Variants in SERPINA1 observed in about 807,000 individuals in gnomAD.
SERPINA1 encodes the protein serpin family A member 1.
A neutral mutation model predicts 25.4 loss-of-function variants in SERPINA1; 21 were observed. That is an observed-to-expected ratio of 0.83 (90% CI 0.59 to 1.19). The LOEUF is 1.19. SERPINA1 is among the 50% of genes most tolerant of loss of function. The pLI, the probability that SERPINA1 is intolerant of heterozygous loss-of-function variation, is 0.00. For missense variants in SERPINA1, 546 were observed against 509.0 expected (o/e 1.07, Z -0.70); for synonymous variants, 218 against 211.1 (o/e 1.03, Z -0.29).
chr14:94,379,647 G>A (rs1896716694), intron 3 of SERPINA1, 36 bp from the exon 4 acceptor site: 3 of 1,613,726 alleles, frequency 1.9e-6, no homozygotes, highest in African/African-American at 1.3e-5. Flanking sequence ...GCATGGCACA[G>A]CATTCCTCTT....
At position 94,383,192 on chromosome 14, in the gene SERPINA1, A is replaced by G. The variant is rs1473667365; in HGVS notation, c.46T>C (p.Cys16Arg). 3 of 1,614,154 alleles carry G rather than the reference A, an allele frequency of 1.9e-6. No individual in the cohort carries two copies. The South Asian group carries it at 3.3e-5, about 18-fold the overall frequency. The change falls in exon 2 of 5, where the codon TGC becomes CGC. Residue 16 changes from cysteine to arginine, a missense_variant. Cys to Arg is a radical substitution (Grantham distance 180). Transcript: ENST00000393087. ...GCCAGGGAGACAGGGACCAGGCAGC[A>G]CAGGCCTGCCAGCAGGAGGATGCCC... Reference protein sequence around the residue: ...SWGILLLAGLCCLVPVSLAED... With the variant: ...SWGILLLAGLRCLVPVSLAED...
chr14:94,382,347 A>T (rs1896988155), intron 2 of SERPINA1, among the ~76,000 whole-genome samples: 1 of 152,218 alleles, frequency 6.6e-6, no homozygotes, highest in Admixed American at 6.5e-5. Flanking sequence ...ATACACAAGG[A>T]CATTAAAGGC....
chr14:94,381,809 AG>A (rs1198482813), intron 2 of SERPINA1, among the ~76,000 whole-genome samples: 4 of 152,216 alleles, frequency 2.6e-5, no homozygotes, highest in African/African-American at 9.7e-5. Context: ...TGCTGACTGC[AG>A]CCTGGCTGCT....
At chr14:94,379,368 C>T (rs1896666836) in intron 4 of SERPINA1, 96 bp downstream of exon 4, 2 of 1,555,038 alleles carry the variant, frequency 1.3e-6, no homozygotes, top group Non-Finnish European at 1.8e-6. Context: ...ATTTGTTTCC[C>T]TCGGCCCCTT....
rs776994208 is a variant in SERPINA1 at position 94,383,272 on chromosome 14, C to G, written c.-4-31G>C. The G allele has an allele frequency of 1.9e-6, 3 of 1,598,040 alleles. No homozygotes were observed. In the South Asian group the frequency reaches 3.3e-5, roughly 18 times the overall value. On this transcript the variant is annotated intron_variant, in intron 1 of 4. Coordinates refer to ENST00000393087, the MANE Select transcript of SERPINA1 (RefSeq NM_000295.5). ...AGACAGAGATGGGGGGGCCAGGCCC[C>G]GAGTCAAGGCACATGATGACTCCCA...
intron 2 of SERPINA1, among the ~76,000 whole-genome samples, chr14:94,381,872 G>A (rs1162887398): frequency 6.6e-6 from 1 of 152,202 alleles, no homozygotes; most frequent in Non-Finnish European, 1.5e-5. Flanking sequence ...AGTGGAGGAA[G>A]CAGCCCCTGG....
At chr14:94,383,328 C>T in intron 1 of SERPINA1, 87 bp from the exon 2 acceptor site, 5 of 1,436,944 alleles carry the variant, frequency 3.5e-6, no homozygotes, top group South Asian at 1.2e-5. Flanking sequence ...CGTGGAAGTG[C>T]CTAGGGATTA....
In SERPINA1 at chr14:94,377,685, C is replaced by A. The variant is rs558473967; in HGVS notation, c.*764G>T. 2.6e-5 allele frequency: 4 copies of A among 152,458 alleles called. No homozygotes were observed. The highest frequency in any genetic ancestry group is 5.9e-5 in the Non-Finnish European group (4 of 68,294). 9.4% of individuals were successfully genotyped at this position (152,458 alleles called of 1,614,324 possible). A position where few individuals can be genotyped will look rare whatever the true frequency, so the allele number is the denominator to read the frequency against. ...GGAGATAGAGAAAACAAAGCAGAGA[C>A]CCTCCTCTTCATCTGGGGAGAAGGG... On this transcript the variant is annotated 3_prime_UTR_variant, in exon 5 of 5. Transcript: ENST00000393087.
chr14:94,378,418 T>G lies in SERPINA1; in HGVS notation c.*31A>C. On this transcript the variant is annotated 3_prime_UTR_variant, in exon 5 of 5. Coordinates refer to ENST00000393087, the MANE Select transcript of SERPINA1 (RefSeq NM_000295.5). ...TGTCATCCAGGGAGGGGGCCAGGGA[T>G]GGAGGGGAGGGGTTGAGGAGCGAGA... 1 of 1,592,792 alleles carries G rather than the reference T, an allele frequency of 6.3e-7. No homozygotes were observed. The highest frequency in any genetic ancestry group is 8.6e-7 in the Non-Finnish European group (1 of 1,161,114).
intron 3 of SERPINA1, 167 bp downstream of exon 3, chr14:94,380,702 GAA>G (rs999864915): frequency 2.9e-5 from 24 of 817,460 alleles, no homozygotes; most frequent in Middle Eastern, 3.5e-4. Flanking sequence ...GGCGCTGCCT[GAA>G]CTCAGTGGTG....
chr14:94,381,150 AG>A lies in SERPINA1; in HGVS notation c.647-10del. ...GGGTCTCTCCCATTTGCCTGGAGAG[AG>A]GGGAAGGTGGGCATCACCAGGGGTG... On this transcript the variant is annotated splice_polypyrimidine_tract_variant and intron_variant, in intron 2 of 4. Coordinates refer to ENST00000393087, the MANE Select transcript of SERPINA1 (RefSeq NM_000295.5). The A allele has an allele frequency of 6.2e-7, 1 of 1,610,288 alleles. No individual in the cohort carries two copies. Among genetic ancestry groups the A allele is most frequent in the African/African-American group, 1.3e-5 (1 of 74,890 alleles).
At chr14:94,386,384 C>T (rs1382716544) in intron 1 of SERPINA1, among the ~76,000 whole-genome samples, 3 of 152,152 alleles carry the variant, frequency 2.0e-5, no homozygotes, top group Non-Finnish European at 4.4e-5. Context: ...CCAAGAGCAA[C>T]CCGGCAGGGT....
At chr14:94,381,197 T>C in intron 2 of SERPINA1, 56 bp from the exon 3 acceptor site, 1 of 1,570,398 alleles carries the variant, frequency 6.4e-7, no homozygotes, top group Non-Finnish European at 8.7e-7. Context: ...TGGAAGAGTG[T>C]AGCAGAATAA....
upstream of SERPINA1, chr14:94,389,461 T>C (rs938295903): frequency 6.6e-6 from 1 of 152,306 alleles, no homozygotes; most frequent in Non-Finnish European, 1.5e-5. Flanking sequence ...CAGGCCTGTT[T>C]CTGTTTTTGC....
At position 94,378,512 on chromosome 14, in the gene SERPINA1, C is replaced by G. The variant is rs1896532969; in HGVS notation, c.1194G>C (p.Met398Ile). ...VKFNKPFVFL[M>I]IEQNTKSPLF... is the part of the protein sequence containing the mutation. ...GGGGAGACTTGGTATTTTGTTCAAT[C>G]ATTAAGAAGACAAAGGGTTTGTTGA... Residue 398 changes from methionine (M) to isoleucine (I), a missense_variant, in exon 5 of 5, where the codon ATG becomes ATC. Coordinates refer to ENST00000393087, the MANE Select transcript of SERPINA1 (RefSeq NM_000295.5). The G allele has an allele frequency of 1.9e-6, 3 of 1,613,912 alleles. No individual in the cohort carries two copies. Among genetic ancestry groups the G allele is most frequent in the Non-Finnish European group, 2.5e-6 (3 of 1,180,000 alleles).
Position 94,378,362 on chromosome 14 carries a change from G to T in SERPINA1, c.*87C>A. On this transcript the variant is annotated 3_prime_UTR_variant, in exon 5 of 5. Coordinates refer to ENST00000393087, the MANE Select transcript of SERPINA1 (RefSeq NM_000295.5). ...ACATGGGAGGGATTTACAGTCACATGCAGGCAGGGACCAGCTCAACCCTTC... is the reference window on the plus strand; with the variant it reads ...ACATGGGAGGGATTTACAGTCACATTCAGGCAGGGACCAGCTCAACCCTTC... The T allele has an allele frequency of 1.7e-6, 2 of 1,146,472 alleles. No homozygotes were observed. Among genetic ancestry groups the T allele is most frequent in the South Asian group, 1.3e-5 (1 of 79,256 alleles). The allele number at this position is 1,146,472 out of a possible 1,614,324, so 71.0% of individuals were successfully genotyped here.
In SERPINA1 at chr14:94,378,074, G is replaced by A. The variant is rs1379280416; in HGVS notation, c.*375C>T. On this transcript the variant is annotated 3_prime_UTR_variant, in exon 5 of 5. Coordinates refer to ENST00000393087, the MANE Select transcript of SERPINA1 (RefSeq NM_000295.5). ...GCAGGGGGACATGAAGATGCTTGGT[G>A]GAGCCTGGGGTCATGGCTGGTATCT... 8.3e-6 allele frequency: 2 copies of A among 240,972 alleles called. No individual in the cohort carries two copies. Among genetic ancestry groups the A allele is most frequent in the African/African-American group, 2.2e-5 (1 of 45,038 alleles). The allele number at this position is 240,972 out of a possible 1,614,324, so 14.9% of individuals were successfully genotyped here.
At chr14:94,386,979 T>A (rs1368087017) in intron 1 of SERPINA1, among the ~76,000 whole-genome samples, 1 of 152,186 alleles carries the variant, frequency 6.6e-6, no homozygotes, top group Non-Finnish European at 1.5e-5. Context: ...ATTAAATAAC[T>A]CACTAAAAAT....
Position 94,378,303 on chromosome 14 carries a change from A to G in SERPINA1, c.*146T>C. On this transcript the variant is annotated 3_prime_UTR_variant, in exon 5 of 5. Coordinates refer to ENST00000393087, the MANE Select transcript of SERPINA1 (RefSeq NM_000295.5). ...CAGCACTGTTACCTGGAGCCCACAT[A>G]CAGCCTCAGCAGGCAAAGGGAGACT... 2.8e-6 allele frequency: 2 copies of G among 719,444 alleles called. No individual in the cohort carries two copies. The highest frequency in any genetic ancestry group is 3.5e-5 in the South Asian group (2 of 57,942). The allele number at this position is 719,444 out of a possible 1,614,324, so 44.6% of individuals were successfully genotyped here. A position where few individuals can be genotyped will look rare whatever the true frequency, so the allele number is the denominator to read the frequency against.
Sources: allele counts gnomAD v4.1 joint callset (sites outside exome capture counted in the v4.1 genomes callset), GRCh38; gene constraint gnomAD v4.1.1; transcripts MANE v1.5; gene names NCBI Gene and HGNC (gene_info 2026-07-23, HGNC 2026-07-21).